CASK: variants seen among roughly 807,000 people sequenced by gnomAD.
CASK encodes calcium/calmodulin dependent serine protein kinase, also known as peripheral plasma membrane protein CASK.
Under a neutral mutation model 82.9 loss-of-function variants are expected in CASK, and 4 were observed. That is an observed-to-expected ratio of 0.05 (90% CI 0.02 to 0.11). The LOEUF is 0.11. Among genes scored for constraint, CASK ranks in the 10% least tolerant of loss-of-function variants. CASK has a pLI of 1.00. For synonymous variants in CASK, 259 were observed against 253.5 expected, an observed-to-expected ratio of 1.02 and a Z score of -0.20; for missense variants, 358 against 720.9, an observed-to-expected ratio of 0.50 and a Z score of 5.76.
chrX:41,915,728 G>T (rs184425524), intron 1 of CASK, among the ~76,000 whole-genome samples: 1 of 110,222 alleles, frequency 9.1e-6, no homozygotes, highest in Non-Finnish European at 1.9e-5. Context: ...GGTGGCTCAC[G>T]CCTGTAATCC....
At chrX:41,816,971 C>T (rs2070426464) in intron 2 of CASK, among the ~76,000 whole-genome samples, 1 of 111,765 alleles carries the variant, frequency 8.9e-6, no homozygotes, top group Non-Finnish European at 1.9e-5. Flanking sequence ...CTTTCTAATT[C>T]ACTCTATGAG....
chrX:41,589,634 T>C, intron 12 of CASK, 42 bp from the exon 13 acceptor site: 1 of 932,251 alleles, frequency 1.1e-6, no homozygotes, highest in South Asian at 2.0e-5. Context: ...CTCACAATTC[T>C]TTGCTAAAAA....
At chrX:41,535,705 T>A (rs1339100619) in intron 22 of CASK, among the ~76,000 whole-genome samples, 1 of 111,984 alleles carries the variant, frequency 8.9e-6, no homozygotes, top group Non-Finnish European at 1.9e-5. Context: ...ATGGAAAGAA[T>A]CATGAAGCAG....
chrX:41,729,806 ATGTATG>A (rs1271565654), intron 5 of CASK: 3 of 88,115 alleles, frequency 3.4e-5, no homozygotes, highest in East Asian at 4.7e-4. Flanking sequence ...ATATATATAT[ATGTATG>A]TATGTATGTA....
chrX:41,713,150 C>A (rs147770877), intron 5 of CASK, among the ~76,000 whole-genome samples: 2 of 112,138 alleles, frequency 1.8e-5, no homozygotes, highest in Non-Finnish European at 3.8e-5. Context: ...TGGACAGTTA[C>A]ACAACCTGTG....
chrX:41,886,846 G>A (rs1382095513), intron 1 of CASK, among the ~76,000 whole-genome samples: 1 of 111,166 alleles, frequency 9.0e-6, no homozygotes, highest in Non-Finnish European at 1.9e-5. Context: ...AGCCGTAATA[G>A]GTATGCTGTA....
chrX:41,745,568 T>C lies in CASK; in HGVS notation c.312A>G (p.Val104=). Residue 104 remains valine, a synonymous_variant, in exon 4 of 27, where the codon GTA becomes GTG. Transcript: ENST00000378163. ...MDGADLCFEI[V]KRADAGFVYS... ...ACACAAAACCAGCGTCAGCTCGCTTTACGATTTCAAAACACAGATCTGCTC... is the reference window on the plus strand; with the variant it reads ...ACACAAAACCAGCGTCAGCTCGCTTCACGATTTCAAAACACAGATCTGCTC... The C allele has an allele frequency of 2.5e-6, 3 of 1,205,382 alleles. No individual in the cohort carries two copies. The highest frequency in any genetic ancestry group is 3.4e-6 in the Non-Finnish European group (3 of 889,801).
At chrX:41,638,276 G>T (rs1243547785) in intron 8 of CASK, among the ~76,000 whole-genome samples, 1 of 111,181 alleles carries the variant, frequency 9.0e-6, no homozygotes, top group Non-Finnish European at 1.9e-5. Flanking sequence ...TTTAAAATAG[G>T]GTGGTTGGCT....
intron 21 of CASK, among the ~76,000 whole-genome samples, chrX:41,543,613 C>T (rs183297131): frequency 1.0e-3 from 113 of 112,001 alleles, no homozygotes; most frequent in African/African-American, 3.5e-3. Context: ...TAAAAAGTTG[C>T]TCTTTCAGGT....
At chrX:41,617,895 T>C (rs984354001) in intron 11 of CASK, among the ~76,000 whole-genome samples, 1 of 112,317 alleles carries the variant, frequency 8.9e-6, no homozygotes, top group African/African-American at 3.2e-5. Context: ...AAAAGGCTGT[T>C]TTTCCTATAA....
chrX:41,576,194 C>T (rs775267465), intron 15 of CASK, among the ~76,000 whole-genome samples: 2 of 109,900 alleles, frequency 1.8e-5, no homozygotes, highest in Non-Finnish European at 3.8e-5. Context: ...ACGCTGGTCT[C>T]GAACTCCTGA....
At chrX:41,676,231 C>T (rs1368675823) in intron 5 of CASK, 30 of 1,189,557 alleles carry the variant, frequency 2.5e-5, no homozygotes, top group Admixed American at 4.4e-5. Flanking sequence ...CTCTTAGCTC[C>T]GTATCAACTT....
intron 24 of CASK, among the ~76,000 whole-genome samples, chrX:41,533,014 T>C (rs1302341470): frequency 9.0e-6 from 1 of 111,298 alleles, no homozygotes; most frequent in Admixed American, 9.6e-5. Flanking sequence ...TTTCACCACA[T>C]TGGCCAGGCT....
intron 2 of CASK, among the ~76,000 whole-genome samples, chrX:41,813,629 C>T (rs905428719): frequency 2.7e-5 from 3 of 111,318 alleles, no homozygotes; most frequent in Non-Finnish European, 3.8e-5. Flanking sequence ...GACCTAAAAC[C>T]ATAAAAACCC....
chrX:41,535,868 C>A (rs1355394427), intron 22 of CASK, among the ~76,000 whole-genome samples: 1 of 111,875 alleles, frequency 8.9e-6, no homozygotes, highest in African/African-American at 3.2e-5. Flanking sequence ...GAGCAGATGC[C>A]CATTCCTGTT....
At chrX:41,604,605 T>C (rs1174148484) in intron 12 of CASK, among the ~76,000 whole-genome samples, 3 of 110,968 alleles carry the variant, frequency 2.7e-5, no homozygotes, top group African/African-American at 9.8e-5. Context: ...ATTTCTGTTG[T>C]TTTAAGCCAC....
intron 4 of CASK, 167 bp downstream of exon 4, chrX:41,745,357 T>G: frequency 2.0e-6 from 1 of 489,942 alleles, no homozygotes; most frequent in South Asian, 2.9e-5. Flanking sequence ...TGTTCGGTAT[T>G]TTGCATTTCC....
At chrX:41,615,742 C>T (rs190531234) in intron 11 of CASK, among the ~76,000 whole-genome samples, 130 of 109,655 alleles carry the variant, frequency 1.2e-3, no homozygotes, top group Non-Finnish European at 2.2e-3. Flanking sequence ...AAGCGATTCT[C>T]GTGCCTCAGC....
intron 12 of CASK, among the ~76,000 whole-genome samples, chrX:41,598,962 A>T (rs2065860673): frequency 8.9e-6 from 1 of 112,124 alleles, no homozygotes; most frequent in Non-Finnish European, 1.9e-5. Context: ...TGAAGATTTC[A>T]TTTCATTCAT....
Sources: gnomAD v4.1 joint callset for allele counts (sites outside exome capture counted in the v4.1 genomes callset) on GRCh38, gnomAD v4.1.1 for gene constraint, MANE v1.5 for transcripts, NCBI Gene and HGNC (gene_info 2026-07-23, HGNC 2026-07-21) for gene names.